Variants in PCDH15 observed in about 807,000 individuals in gnomAD.
The protein encoded by PCDH15 is protocadherin related 15.
In PCDH15, 129 loss-of-function variants were observed where a neutral mutation model predicts 178.5. The observed-to-expected ratio is 0.72, with a 90% CI of 0.63 to 0.84. The LOEUF is 0.84. Ranked by LOEUF, PCDH15 falls within the 40% of genes least tolerant of loss-of-function variation. The pLI, the probability that PCDH15 is intolerant of heterozygous loss-of-function variation, is 0.00. For missense variants in PCDH15, 2,230 were observed against 2,099.9 expected (o/e 1.06, Z -1.21); for synonymous variants, 800 against 732.0 (o/e 1.09, Z -1.50).
chr10:53,974,767 C>A (rs528886574), intron 21 of PCDH15, among the ~76,000 whole-genome samples: 4 of 151,888 alleles, frequency 2.6e-5, no homozygotes, highest in Non-Finnish European at 4.4e-5. Flanking sequence ...TGCCCTTTTT[C>A]TTATTTTTTT....
intron 7 of PCDH15, among the ~76,000 whole-genome samples, chr10:54,317,713 A>G (rs2061364618): frequency 6.6e-6 from 1 of 152,070 alleles, no homozygotes; most frequent in Non-Finnish European, 1.5e-5. Context: ...CAGAAGTTGC[A>G]GTGAGCCAAG....
intron 14 of PCDH15, among the ~76,000 whole-genome samples, chr10:54,134,685 C>T (rs1402911862): frequency 2.7e-5 from 4 of 148,656 alleles, no homozygotes; most frequent in Non-Finnish European, 5.9e-5. Context: ...CCCAGGAGGC[C>T]GAGCTTGCAG....
intron 1 of PCDH15, among the ~76,000 whole-genome samples, chr10:54,674,211 T>C (rs2094736694): frequency 6.6e-6 from 1 of 152,200 alleles, no homozygotes. Flanking sequence ...ACAATAATTT[T>C]AAAACAGTAA....
chr10:54,517,414 G>C (rs755719980), intron 3 of PCDH15, among the ~76,000 whole-genome samples: 5 of 152,144 alleles, frequency 3.3e-5, no homozygotes, highest in Non-Finnish European at 5.9e-5. Flanking sequence ...TGCAATCCTA[G>C]TCTCTGATAA....
At chr10:54,811,371 T>C (rs1265517997) in intron 3 of PCDH15, among the ~76,000 whole-genome samples, 2 of 152,210 alleles carry the variant, frequency 1.3e-5, no homozygotes, top group African/African-American at 4.8e-5. Flanking sequence ...AGTTTTGAGA[T>C]CTTTGAACTG....
intron 3 of PCDH15, among the ~76,000 whole-genome samples, chr10:54,403,078 T>G (rs1172048840): frequency 6.6e-6 from 1 of 152,016 alleles, no homozygotes. Flanking sequence ...TTCTAGTGAA[T>G]GCACAAATGA....
intron 2 of PCDH15, among the ~76,000 whole-genome samples, chr10:55,023,453 TAA>T (rs965064633): frequency 1.1e-4 from 17 of 152,184 alleles, no homozygotes; most frequent in Admixed American, 7.2e-4. Context: ...ATTTTACATG[TAA>T]AGTCTAGATA....
At chr10:54,952,271 T>G (rs1838364475) in intron 2 of PCDH15, among the ~76,000 whole-genome samples, 1 of 151,884 alleles carries the variant, frequency 6.6e-6, no homozygotes, top group Admixed American at 6.6e-5. Flanking sequence ...CTATTATTCT[T>G]CATCGAATTG....
At chr10:54,366,908 A>C (rs1946901144) in intron 5 of PCDH15, among the ~76,000 whole-genome samples, 1 of 152,158 alleles carries the variant, frequency 6.6e-6, no homozygotes, top group Non-Finnish European at 1.5e-5. Flanking sequence ...ATGTATTGAC[A>C]GCTTTGCACA....
intron 1 of PCDH15, among the ~76,000 whole-genome samples, chr10:54,720,882 C>A (rs996544944): frequency 6.6e-6 from 1 of 151,928 alleles, no homozygotes; most frequent in Non-Finnish European, 1.5e-5. Flanking sequence ...GGACTATAGA[C>A]CAAGTAGACA....
intron 8 of PCDH15, among the ~76,000 whole-genome samples, chr10:54,292,586 C>T (rs1303121576): frequency 6.6e-6 from 1 of 152,068 alleles, no homozygotes; most frequent in African/African-American, 2.4e-5. Context: ...TTGTCTCAGC[C>T]CAAAAATTCC....
chr10:54,035,334 C>G (rs1270926947), intron 18 of PCDH15, among the ~76,000 whole-genome samples: 1 of 151,822 alleles, frequency 6.6e-6, no homozygotes, highest in Non-Finnish European at 1.5e-5. Flanking sequence ...TATATTGGCA[C>G]CATTTTTCCA....
At chr10:55,259,879 G>A (rs1378080231) in intron 1 of PCDH15, among the ~76,000 whole-genome samples, 9 of 102,924 alleles carry the variant, frequency 8.7e-5, no homozygotes, top group African/African-American at 3.1e-4. Flanking sequence ...TCCAGCCTGG[G>A]CAACAAGAGC....
At chr10:54,286,666 C>T (rs1214030557) in intron 8 of PCDH15, among the ~76,000 whole-genome samples, 2 of 152,170 alleles carry the variant, frequency 1.3e-5, no homozygotes, top group East Asian at 1.9e-4. Context: ...TGCTCTATTG[C>T]TCAGTCTGGA....
At chr10:54,189,032 G>T (rs577714593) in intron 11 of PCDH15, among the ~76,000 whole-genome samples, 2 of 152,004 alleles carry the variant, frequency 1.3e-5, no homozygotes, top group South Asian at 4.1e-4. Flanking sequence ...AAAATGCCAT[G>T]ATAAATTACC....
At chr10:55,541,476 A>T (rs575526154) in intron 2 of PCDH15, among the ~76,000 whole-genome samples, 2 of 151,984 alleles carry the variant, frequency 1.3e-5, no homozygotes, top group Non-Finnish European at 2.9e-5. Context: ...AAGATATCTG[A>T]ATAGGTGTTA....
chr10:55,329,220 T>TC (rs5785128), intron 2 of PCDH15, among the ~76,000 whole-genome samples: 113,623 of 150,470 alleles, frequency 0.76, 43,852 homozygotes, highest in African/African-American at 0.87. Context: ...GGAATTCAAA[T>TC]TATTTTATAT....
intron 3 of PCDH15, among the ~76,000 whole-genome samples, chr10:54,459,721 T>C (rs748631581): frequency 5.9e-5 from 9 of 152,086 alleles, no homozygotes; most frequent in Non-Finnish European, 1.2e-4. Flanking sequence ...ATTGCAGTAA[T>C]GGATGGATTT....
intron 25 of PCDH15, among the ~76,000 whole-genome samples, chr10:53,912,790 G>T (rs2083208735): frequency 6.6e-6 from 1 of 152,114 alleles, no homozygotes; most frequent in African/African-American, 2.4e-5. Flanking sequence ...CAAAATAAAA[G>T]AGGACACCAA....
Sources: gnomAD v4.1 joint callset for allele counts (sites outside exome capture counted in the v4.1 genomes callset) on GRCh38, gnomAD v4.1.1 for gene constraint, MANE v1.5 for transcripts, NCBI Gene and HGNC (gene_info 2026-07-23, HGNC 2026-07-21) for gene names.